ZFHX3: variants seen among roughly 807,000 people sequenced by gnomAD.
ZFHX3 encodes zinc finger homeobox protein 3.
In ZFHX3, 42 loss-of-function variants were observed where a neutral mutation model predicts 279.1. The observed-to-expected ratio is 0.15, with a 90% confidence interval of 0.12 to 0.19. The LOEUF (loss-of-function observed/expected upper bound fraction) is 0.19. Ranked by LOEUF, ZFHX3 falls within the 10% of genes least tolerant of loss-of-function variation. ZFHX3 has a pLI of 1.00. For synonymous variants in ZFHX3, 2,293 were observed against 1,957.8 expected, an observed-to-expected ratio of 1.17 and a Z score of -4.52; for missense variants, 4,981 against 4,754.0, an observed-to-expected ratio of 1.05 and a Z score of -1.40.
intron 1 of ZFHX3, among the ~76,000 whole-genome samples, chr16:73,701,862 G>A (rs1485672806): frequency 1.3e-5 from 2 of 148,254 alleles, no homozygotes. Flanking sequence ...ATATTCTGAA[G>A]TTTGAGTCAT....
rs544634831 is a variant in ZFHX3 at position 73,257,909 on chromosome 16, T to C, written c.-1193-773A>G. On this transcript the variant is annotated intron_variant, in intron 4 of 17. Transcript: ENST00000641206. ...AAGGTTTCTCAACTTCAACAGTAGATACTTGTGACTGAATAAATATTTTTT... is the reference window on the plus strand; with the variant it reads ...AAGGTTTCTCAACTTCAACAGTAGACACTTGTGACTGAATAAATATTTTTT... 3.9e-5 allele frequency among the ~76,000 whole-genome samples: 6 copies of C among 152,300 alleles called. No homozygotes were observed. The South Asian group carries it at 1.2e-3, about 32-fold the overall frequency.
chr16:73,639,596 T>C (rs2052556428), intron 2 of ZFHX3, among the ~76,000 whole-genome samples: 1 of 152,138 alleles, frequency 6.6e-6, no homozygotes, highest in South Asian at 2.1e-4. Context: ...AATGAGGATT[T>C]TTCTTTTCTC....
At chr16:73,034,780 T>G (rs571063700) in intron 1 of ZFHX3, among the ~76,000 whole-genome samples, 2 of 152,308 alleles carry the variant, frequency 1.3e-5, no homozygotes, top group African/African-American at 4.8e-5. Flanking sequence ...GTTTTCACAG[T>G]CAGGTGAGCA....
chr16:73,578,994 C>T (rs2051829208), intron 2 of ZFHX3, among the ~76,000 whole-genome samples: 1 of 152,180 alleles, frequency 6.6e-6, no homozygotes. Context: ...CCTCGTTACA[C>T]TCTCCTCCCA....
intron 5 of ZFHX3, among the ~76,000 whole-genome samples, chr16:73,187,144 T>TCACACACA (rs71156147): frequency 0.14 from 20,013 of 146,896 alleles, 1,356 homozygotes; most frequent in Middle Eastern, 0.19. Flanking sequence ...GTTGTATGTC[T>TCACACACA]CACACACACA....
At chr16:73,329,974 C>A (rs2143223506) in intron 3 of ZFHX3, among the ~76,000 whole-genome samples, 1 of 151,908 alleles carries the variant, frequency 6.6e-6, no homozygotes, top group African/African-American at 2.4e-5. Flanking sequence ...TGTTATTATT[C>A]ATCTTTCACA....
chr16:73,046,330 G>A (rs971112301), intron 1 of ZFHX3, among the ~76,000 whole-genome samples: 18 of 152,178 alleles, frequency 1.2e-4, no homozygotes, highest in African/African-American at 2.4e-4. Context: ...ATCTCAGGCT[G>A]CCAGTGGCTG....
chr16:73,878,359 G>A (rs1181242333), intron 1 of ZFHX3, among the ~76,000 whole-genome samples: 3 of 152,074 alleles, frequency 2.0e-5, no homozygotes, highest in Non-Finnish European at 4.4e-5. Context: ...TAATAAAGAA[G>A]ATGCAAAGTT....
At chr16:72,835,702 T>C (rs934975230) in intron 4 of ZFHX3, among the ~76,000 whole-genome samples, 1 of 151,990 alleles carries the variant, frequency 6.6e-6, no homozygotes, top group African/African-American at 2.4e-5. Flanking sequence ...CTGTGGTGGG[T>C]GGAAGGAAGG....
chr16:73,421,157 A>T (rs950913194), intron 3 of ZFHX3: 4 of 152,214 alleles, frequency 2.6e-5, no homozygotes, highest in African/African-American at 9.6e-5. Context: ...ATGAATGGAA[A>T]AAAAAATAAA....
chr16:73,102,000 G>A (rs929289785), intron 7 of ZFHX3, among the ~76,000 whole-genome samples: 3 of 144,104 alleles, frequency 2.1e-5, no homozygotes, highest in Non-Finnish European at 4.5e-5. Flanking sequence ...TGCAATCTCC[G>A]CCTCCTGGGT....
At chr16:73,150,053 T>C (rs769121028) in intron 5 of ZFHX3, among the ~76,000 whole-genome samples, 18 of 152,174 alleles carry the variant, frequency 1.2e-4, no homozygotes, top group Non-Finnish European at 1.9e-4. Flanking sequence ...CATTCAATGA[T>C]TTCTTGTACC....
chr16:73,738,436 C>CA (rs5817872), intron 1 of ZFHX3, among the ~76,000 whole-genome samples: 7,009 of 152,270 alleles, frequency 0.046, 554 homozygotes, highest in African/African-American at 0.16. Context: ...GCCAAATTAA[C>CA]ACATGCACTG....
chr16:73,465,926 C>A (rs1200233800), intron 2 of ZFHX3, among the ~76,000 whole-genome samples: 2 of 152,018 alleles, frequency 1.3e-5, no homozygotes, highest in African/African-American at 4.8e-5. Flanking sequence ...GAGGGACAAC[C>A]CCCACTCCCA....
chr16:73,015,381 G>A (rs1307518815), intron 1 of ZFHX3: 5 of 152,168 alleles, frequency 3.3e-5, no homozygotes, highest in Admixed American at 6.5e-5. Flanking sequence ...GTTCAGTGGA[G>A]TATCTTAGCA....
At chr16:73,739,983 C>A (rs891003448) in intron 1 of ZFHX3, among the ~76,000 whole-genome samples, 1 of 152,130 alleles carries the variant, frequency 6.6e-6, no homozygotes, top group Admixed American at 6.5e-5. Flanking sequence ...GCATTTCCTC[C>A]TCCCAGTCCC....
At chr16:73,097,746 C>T (rs1379763457) in intron 7 of ZFHX3, among the ~76,000 whole-genome samples, 1 of 152,176 alleles carries the variant, frequency 6.6e-6, no homozygotes, top group African/African-American at 2.4e-5. Context: ...CCCGTGGCCC[C>T]TCCAGCCCCT....
chr16:72,849,112 C>T (rs1327146421), intron 4 of ZFHX3, among the ~76,000 whole-genome samples: 1 of 151,938 alleles, frequency 6.6e-6, no homozygotes, highest in South Asian at 2.1e-4. Flanking sequence ...CTCATGGTTC[C>T]CAGAAGAGGC....
intron 3 of ZFHX3, among the ~76,000 whole-genome samples, chr16:73,368,539 C>T (rs2016569945): frequency 6.6e-6 from 1 of 152,142 alleles, no homozygotes; most frequent in Non-Finnish European, 1.5e-5. Flanking sequence ...AGTTATTAAA[C>T]TATGATAAAT....
Sources: gnomAD v4.1 joint callset for allele counts (sites outside exome capture counted in the v4.1 genomes callset) on GRCh38, gnomAD v4.1.1 for gene constraint, MANE v1.5 for transcripts, NCBI Gene and HGNC (gene_info 2026-07-23, HGNC 2026-07-21) for gene names.